The following CCDC178 variants were observed in gnomAD, a reference collection of about 807,000 sequenced individuals.
CCDC178 encodes coiled-coil domain-containing protein 178.
Under a neutral mutation model 117.4 loss-of-function variants are expected in CCDC178, and 126 were observed. The ratio of observed to expected loss-of-function variants is 1.07; its 90% CI spans 0.93 to 1.24. The LOEUF is 1.24. CCDC178 is among the 50% of genes most tolerant of loss of function. CCDC178 has a pLI of 0.00. For synonymous variants in CCDC178, 283 were observed against 313.4 expected, an observed-to-expected ratio of 0.90 and a Z score of 1.02; for missense variants, 1,030 against 986.9, an observed-to-expected ratio of 1.04 and a Z score of -0.59.
intron 21 of CCDC178, among the ~76,000 whole-genome samples, chr18:32,996,268 T>C (rs1303932822): frequency 6.6e-6 from 1 of 151,900 alleles, no homozygotes; most frequent in Non-Finnish European, 1.5e-5. Flanking sequence ...TACTGAAATA[T>C]GTATAAAGTC....
At chr18:33,008,637 T>A in intron 21 of CCDC178, among the ~76,000 whole-genome samples, 1 of 152,092 alleles carries the variant, frequency 6.6e-6, no homozygotes, top group Non-Finnish European at 1.5e-5. Flanking sequence ...AATTGTTGTA[T>A]AAGCTGTCTC....
intron 14 of CCDC178, among the ~76,000 whole-genome samples, chr18:33,250,467 A>C (rs2059608221): frequency 1.3e-5 from 2 of 151,678 alleles, no homozygotes; most frequent in African/African-American, 2.4e-5. Context: ...ACCACTCAAA[A>C]ATTTGAAAAT....
chr18:32,943,844 A>C (rs1259667277), intron 22 of CCDC178, among the ~76,000 whole-genome samples: 1 of 152,244 alleles, frequency 6.6e-6, no homozygotes, highest in African/African-American at 2.4e-5. Context: ...CAACATATTA[A>C]GATTCAACCA....
chr18:32,950,609 C>T (rs2054460368), intron 22 of CCDC178, among the ~76,000 whole-genome samples: 1 of 152,004 alleles, frequency 6.6e-6, no homozygotes, highest in Non-Finnish European at 1.5e-5. Context: ...CAAGAGTTTC[C>T]AACAGTTACA....
chr18:33,376,395 A>G (rs915547984), intron 5 of CCDC178, among the ~76,000 whole-genome samples: 3 of 152,154 alleles, frequency 2.0e-5, no homozygotes, highest in African/African-American at 7.2e-5. Context: ...AAAACTTTTA[A>G]TTAGCCTTCC....
chr18:33,066,984 T>C (rs887905783), intron 21 of CCDC178, among the ~76,000 whole-genome samples: 4 of 152,224 alleles, frequency 2.6e-5, no homozygotes, highest in Non-Finnish European at 4.4e-5. Context: ...GTATTTAAAC[T>C]GCAGTTTAGA....
At chr18:33,152,606 A>T (rs1339770290) in intron 20 of CCDC178, among the ~76,000 whole-genome samples, 2 of 152,082 alleles carry the variant, frequency 1.3e-5, no homozygotes, top group South Asian at 2.1e-4. Flanking sequence ...GAAGTCCCAA[A>T]TATGTGAATG....
intron 21 of CCDC178, among the ~76,000 whole-genome samples, chr18:32,987,702 A>T (rs1281841422): frequency 6.6e-6 from 1 of 152,224 alleles, no homozygotes; most frequent in Non-Finnish European, 1.5e-5. Flanking sequence ...CATGATATAA[A>T]CCATGTTCCT....
chr18:33,440,285 TGGGGACTGGGGGACTGGGGGACTG>T (rs1388874813), intron 1 of CCDC178, among the ~76,000 whole-genome samples: 394 of 18,616 alleles, frequency 0.021, 6 homozygotes, highest in African/African-American at 0.063. Flanking sequence ...CCCCCGGCAG[TGGGGACTGGGGGACTGGGGGACTG>T]GGGGACTGGG....
At chr18:32,946,395 G>A (rs1228465722) in intron 22 of CCDC178, among the ~76,000 whole-genome samples, 1 of 152,160 alleles carries the variant, frequency 6.6e-6, no homozygotes, top group Non-Finnish European at 1.5e-5. Flanking sequence ...TATTAAGACA[G>A]AGAAATATCA....
chr18:33,212,179 G>A (rs2059116321), intron 19 of CCDC178, 124 bp from the exon 20 acceptor site: 2 of 635,070 alleles, frequency 3.1e-6, no homozygotes, highest in Admixed American at 4.0e-5. Flanking sequence ...GACAGGCCTT[G>A]GAAAAATTCC....
chr18:33,092,691 A>G (rs1334789097), intron 21 of CCDC178, 70 bp downstream of exon 21: 1 of 1,068,896 alleles, frequency 9.4e-7, no homozygotes, highest in Non-Finnish European at 1.4e-6. Context: ...ACCCAAACTG[A>G]CTACTTTTTA....
intron 3 of CCDC178, among the ~76,000 whole-genome samples, chr18:33,405,733 G>C (rs1186059494): frequency 1.3e-5 from 2 of 152,022 alleles, no homozygotes; most frequent in African/African-American, 4.8e-5. Flanking sequence ...AATGAAGGGA[G>C]AAATTTGGCA....
chr18:33,336,736 A>G (rs1332816463), intron 9 of CCDC178, among the ~76,000 whole-genome samples: 1 of 152,078 alleles, frequency 6.6e-6, no homozygotes, highest in African/African-American at 2.4e-5. Context: ...ACTAAACAGA[A>G]CATTCACCCA....
chr18:32,999,486 C>T (rs1477107399), intron 21 of CCDC178, among the ~76,000 whole-genome samples: 1 of 152,112 alleles, frequency 6.6e-6, no homozygotes, highest in Non-Finnish European at 1.5e-5. Context: ...TGGCTTTGAG[C>T]AAACATAGGT....
chr18:33,368,440 C>T (rs891762063), intron 6 of CCDC178, among the ~76,000 whole-genome samples: 1 of 151,758 alleles, frequency 6.6e-6, no homozygotes. Context: ...GGTGCTTCTC[C>T]TTTTTTGAGG....
At chr18:33,421,975 T>C (rs1457397859) in intron 2 of CCDC178, among the ~76,000 whole-genome samples, 1 of 152,204 alleles carries the variant, frequency 6.6e-6, no homozygotes, top group African/African-American at 2.4e-5. Flanking sequence ...GAAATCAGAC[T>C]TAGATTTGAA....
intron 11 of CCDC178, among the ~76,000 whole-genome samples, chr18:33,294,456 C>T (rs1313022501): frequency 6.6e-6 from 1 of 152,038 alleles, no homozygotes; most frequent in East Asian, 1.9e-4. Flanking sequence ...TAGAAAAAGG[C>T]ACAGAGAATA....
At chr18:33,404,909 A>G (rs1020667744) in intron 3 of CCDC178, among the ~76,000 whole-genome samples, 2 of 151,998 alleles carry the variant, frequency 1.3e-5, no homozygotes, top group African/African-American at 4.8e-5. Flanking sequence ...TCTAGAGTAA[A>G]CAAATCCATA....
Sources: allele counts gnomAD v4.1 joint callset (sites outside exome capture counted in the v4.1 genomes callset), GRCh38; gene constraint gnomAD v4.1.1; transcripts MANE v1.5; gene names NCBI Gene and HGNC (gene_info 2026-07-23, HGNC 2026-07-21).